Variants in PTPRD observed in about 807,000 individuals in gnomAD.
PTPRD encodes receptor-type tyrosine-protein phosphatase delta.
In PTPRD, 34 loss-of-function variants were observed where a neutral mutation model predicts 214.5. That is an observed-to-expected ratio of 0.16 (90% CI 0.12 to 0.21). The LOEUF (loss-of-function observed/expected upper bound fraction) is 0.21, where lower values mean the gene tolerates loss of function less well. Ranked by LOEUF, PTPRD falls within the 10% of genes least tolerant of loss-of-function variation. The probability of loss-of-function intolerance (pLI) is 1.00; values close to 1 mark genes in which losing one functional copy is unlikely to be tolerated. For missense variants in PTPRD, 2,545 were observed against 2,398.7 expected (o/e 1.06, Z -1.27); for synonymous variants, 1,128 against 845.7 (o/e 1.33, Z -5.79).
Position 10,160,028 on chromosome 9 carries a change from T to C in PTPRD, c.-544-126238A>G, listed in dbSNP as rs534794130. ...GTACAGAAAGGACTCAATTCTTCCATTGAAAGTCATAGAGTGGCTGAATGG... is the reference window on the plus strand; with the variant it reads ...GTACAGAAAGGACTCAATTCTTCCACTGAAAGTCATAGAGTGGCTGAATGG... On this transcript the variant is annotated intron_variant, in intron 3 of 45. Transcript: ENST00000381196. 4.7e-4 allele frequency among the ~76,000 whole-genome samples: 71 copies of C among 152,144 alleles called. 1 individual carries two copies. Among genetic ancestry groups the C allele is most frequent in the African/African-American group, 1.6e-3 (65 of 41,556 alleles).
At chr9:9,707,910 T>A (rs1324614054) in intron 7 of PTPRD, among the ~76,000 whole-genome samples, 1 of 151,760 alleles carries the variant, frequency 6.6e-6, no homozygotes, top group Non-Finnish European at 1.5e-5. Context: ...TTTTCTCTCT[T>A]TCATTGTAAC....
chr9:8,621,951 A>G (rs2095840196), intron 14 of PTPRD, among the ~76,000 whole-genome samples: 1 of 151,968 alleles, frequency 6.6e-6, no homozygotes, highest in Admixed American at 6.6e-5. Context: ...AAATGCCTAA[A>G]CTACCATCTT....
intron 26 of PTPRD, among the ~76,000 whole-genome samples, chr9:8,495,695 T>C (rs1411526359): frequency 1.3e-5 from 2 of 152,212 alleles, no homozygotes; most frequent in East Asian, 1.9e-4. Context: ...GAGGTGTGCA[T>C]TGAATCATGA....
intron 8 of PTPRD, among the ~76,000 whole-genome samples, chr9:9,484,280 G>A (rs915302464): frequency 6.6e-6 from 1 of 151,880 alleles, no homozygotes; most frequent in South Asian, 2.1e-4. Context: ...ATGTCATTTT[G>A]AATGAGAGAT....
At chr9:10,431,477 C>A (rs575455903) in intron 2 of PTPRD, among the ~76,000 whole-genome samples, 2,675 of 152,096 alleles carry the variant, frequency 0.018, 75 homozygotes, top group African/African-American at 0.06. Context: ...GCAGAAGAAA[C>A]TACCATCAGA....
chr9:9,421,610 C>G (rs549102736), intron 8 of PTPRD, among the ~76,000 whole-genome samples: 101 of 152,210 alleles, frequency 6.6e-4, no homozygotes, highest in African/African-American at 2.4e-3. Context: ...CAATACACCA[C>G]TTGGGATTTA....
At chr9:9,326,761 C>G (rs960587079) in intron 9 of PTPRD, among the ~76,000 whole-genome samples, 7 of 151,452 alleles carry the variant, frequency 4.6e-5, no homozygotes, top group Non-Finnish European at 7.4e-5. Context: ...GCAGGCATCC[C>G]ACAAGATAGA....
rs145816418 is a variant in PTPRD, at chr9:9,954,806, A to G, written c.-471-16196T>C. 5.2e-3 allele frequency among the ~76,000 whole-genome samples: 794 copies of G among 152,282 alleles called. 3 individuals are homozygous for G. Among genetic ancestry groups the G allele is most frequent in the African/African-American group, 0.018 (736 of 41,572 alleles). Reference sequence around the variant, plus strand: ...GTAATAGATACAAGTAACTATATATACAATATAAGTAGAATTTTCCTTCAA... The same window carrying G: ...GTAATAGATACAAGTAACTATATATGCAATATAAGTAGAATTTTCCTTCAA... On this transcript the variant is annotated intron_variant, in intron 4 of 45. Coordinates refer to ENST00000381196, the MANE Select transcript of PTPRD (RefSeq NM_002839.4).
chr9:8,543,139 A>T (rs2078925405), intron 14 of PTPRD, among the ~76,000 whole-genome samples: 4 of 152,212 alleles, frequency 2.6e-5, no homozygotes, highest in Admixed American at 1.3e-4. Context: ...ATAAGTTTCC[A>T]ATGATAAGAT....
At chr9:9,149,293 C>T (rs986754576) in intron 10 of PTPRD, among the ~76,000 whole-genome samples, 5 of 152,180 alleles carry the variant, frequency 3.3e-5, no homozygotes, top group Admixed American at 1.3e-4. Context: ...ATAGTACACA[C>T]TGAAAAGTGT....
At chr9:8,690,595 C>A (rs774501838) in intron 12 of PTPRD, among the ~76,000 whole-genome samples, 1 of 151,282 alleles carries the variant, frequency 6.6e-6, no homozygotes, top group African/African-American at 2.4e-5. Context: ...TAATTTTATT[C>A]AAGAGAACAC....
Position 9,984,080 on chromosome 9 carries a change from G to A in PTPRD, c.-471-45470C>T, listed in dbSNP as rs999473111. Among the ~76,000 whole-genome samples, 5 of 151,952 alleles carry A rather than the reference G, an allele frequency of 3.3e-5. No homozygotes were observed. The South Asian group carries it at 1.0e-3, about 32-fold the overall frequency. ...ACTTTTTAATTGTTTTATTCATACT[G>A]TTTTTTCTCATTTTAAAAAATCATG... On this transcript the variant is annotated intron_variant, in intron 4 of 45. Transcript: ENST00000381196.
intron 3 of PTPRD, among the ~76,000 whole-genome samples, chr9:10,039,531 A>G (rs1200777855): frequency 1.3e-5 from 2 of 152,088 alleles, no homozygotes; most frequent in Non-Finnish European, 2.9e-5. Context: ...TATGTATTCA[A>G]ACACACTTTA....
chr9:9,304,014 G>A (rs569130135), intron 9 of PTPRD, among the ~76,000 whole-genome samples: 1 of 152,208 alleles, frequency 6.6e-6, no homozygotes, highest in South Asian at 2.1e-4. Context: ...GCTCAAGGAG[G>A]GAACCCTTTC....
intron 4 of PTPRD, among the ~76,000 whole-genome samples, chr9:9,955,586 C>T (rs543859893): frequency 1.9e-4 from 29 of 150,368 alleles, no homozygotes; most frequent in Non-Finnish European, 3.2e-4. Context: ...TATAGTGGCA[C>T]GATCTTGGCT....
chr9:9,087,445 T>A (rs549490442), intron 10 of PTPRD, among the ~76,000 whole-genome samples: 2 of 152,220 alleles, frequency 1.3e-5, no homozygotes, highest in African/African-American at 4.8e-5. Context: ...GCAGCCACTG[T>A]ACTCCTGCAT....
chr9:8,871,953 G>C (rs533409469), intron 11 of PTPRD, among the ~76,000 whole-genome samples: 2 of 152,138 alleles, frequency 1.3e-5, no homozygotes. Flanking sequence ...CCACTGAGAA[G>C]AAATGTGTCC....
chr9:8,591,562 G>A (rs998681646), intron 14 of PTPRD, among the ~76,000 whole-genome samples: 1 of 152,124 alleles, frequency 6.6e-6, no homozygotes, highest in African/African-American at 2.4e-5. Flanking sequence ...AAAAATGGAA[G>A]CAAGAGGAGA....
intron 14 of PTPRD, among the ~76,000 whole-genome samples, chr9:8,579,340 A>T (rs1414932798): frequency 6.6e-6 from 1 of 152,234 alleles, no homozygotes; most frequent in East Asian, 1.9e-4. Context: ...TTTAAAAGAA[A>T]AGATATAATA....
Sources: allele counts gnomAD v4.1 joint callset (sites outside exome capture counted in the v4.1 genomes callset), GRCh38; gene constraint gnomAD v4.1.1; transcripts MANE v1.5; gene names NCBI Gene and HGNC (gene_info 2026-07-23, HGNC 2026-07-21).